The following ATXN8OS variants were observed in gnomAD, a reference collection of about 807,000 sequenced individuals.
ATXN8OS encodes ATXN8 opposite strand (non-protein coding).
At chr13:70,145,613 A>G (rs1411894633) in intron 3 of ATXN8OS, among the ~76,000 whole-genome samples, 1 of 152,090 alleles carries the variant, frequency 6.6e-6, no homozygotes, top group Non-Finnish European at 1.5e-5. Context: ...CTTTGAAGCA[A>G]TTGTGAATGG....
rs548789507 is a variant in ATXN8OS, at chr13:70,153,686, T to A, written n.573+6258T>A. Among the ~76,000 whole-genome samples, 28 of 152,316 alleles carry A rather than the reference T, an allele frequency of 1.8e-4. 1 individual carries two copies. The highest frequency in any genetic ancestry group is 3.4e-3 in the Middle Eastern group (1 of 292). On this transcript the variant is annotated intron_variant and non_coding_transcript_variant, in intron 4 of 4. Coordinates refer to ENST00000678624, the Ensembl canonical transcript of ATXN8OS. ...TTATTGTTGTTGGTTTTCTTTTTTG[T>A]TTGTTTTTCTTCACACAGGGTCTTG...
chr13:70,131,108 T>C, intron 3 of ATXN8OS: 1 of 398,476 alleles, frequency 2.5e-6, no homozygotes. Flanking sequence ...CTCTTCCCAA[T>C]ACATGTGTAA....
At chr13:70,165,115 T>C (rs890183020) in intron 4 of ATXN8OS, among the ~76,000 whole-genome samples, 2 of 151,830 alleles carry the variant, frequency 1.3e-5, no homozygotes, top group Non-Finnish European at 2.9e-5. Flanking sequence ...TACACAAAAC[T>C]AGTAAGATCA....
chr13:70,110,698 A>G (rs151054680), intron 1 of ATXN8OS, among the ~76,000 whole-genome samples: 1 of 152,170 alleles, frequency 6.6e-6, no homozygotes, highest in East Asian at 1.9e-4. Flanking sequence ...TTTGTAAAAT[A>G]CTGCACTAAT....
intron 4 of ATXN8OS, among the ~76,000 whole-genome samples, chr13:70,168,434 T>C (rs1460712645): frequency 1.3e-5 from 2 of 152,138 alleles, no homozygotes; most frequent in East Asian, 1.9e-4. Flanking sequence ...ATAGTTATCC[T>C]ACTCTGCTAT....
chr13:70,155,100 C>A (rs967832532), intron 4 of ATXN8OS, among the ~76,000 whole-genome samples: 1 of 152,196 alleles, frequency 6.6e-6, no homozygotes, highest in Non-Finnish European at 1.5e-5. Context: ...TGAGTGCATT[C>A]AATAAAGATT....
chr13:70,127,669 T>G (rs924335728), intron 2 of ATXN8OS, among the ~76,000 whole-genome samples: 214 of 35,094 alleles, frequency 6.1e-3, no homozygotes, highest in African/African-American at 0.017. Context: ...AAAACAAACA[T>G]TTTTTTTTTT....
intron 1 of ATXN8OS, chr13:70,108,159 G>T (rs1888123911): frequency 2.5e-6 from 1 of 400,738 alleles, no homozygotes; most frequent in East Asian, 3.6e-5. Context: ...TGGCGTTCTT[G>T]TCCTTGCAGC....
chr13:70,157,937 G>A (rs1385214048), intron 4 of ATXN8OS, among the ~76,000 whole-genome samples: 2 of 152,098 alleles, frequency 1.3e-5, no homozygotes, highest in African/African-American at 4.8e-5. Flanking sequence ...AGTACATGCA[G>A]GAAATAAGCT....
chr13:70,150,731 C>T (rs1416384679), intron 4 of ATXN8OS, among the ~76,000 whole-genome samples: 20 of 152,088 alleles, frequency 1.3e-4, no homozygotes, highest in Non-Finnish European at 2.9e-5. Flanking sequence ...TCTTTGAGCT[C>T]ACACATTGAT....
intron 2 of ATXN8OS, among the ~76,000 whole-genome samples, chr13:70,124,317 A>G (rs945136380): frequency 6.6e-6 from 1 of 151,254 alleles, no homozygotes; most frequent in Non-Finnish European, 1.5e-5. Flanking sequence ...AAAGATACAC[A>G]AGCAAATATA....
chr13:70,108,359 G>A (rs1427617739), intron 1 of ATXN8OS: 3 of 231,982 alleles, frequency 1.3e-5, no homozygotes, highest in Non-Finnish European at 2.5e-5. Flanking sequence ...GTTTTATATA[G>A]TCAGTTTGTA....
At chr13:70,115,027 C>CGTGTGTGT (rs36110832) in intron 1 of ATXN8OS, 27 of 370,350 alleles carry the variant, frequency 7.3e-5, no homozygotes, top group African/African-American at 4.9e-4. Context: ...CTCTTTCTAA[C>CGTGTGTGT]GTGTGTGTGT....
At chr13:70,110,270 G>C (rs1423095171) in intron 1 of ATXN8OS, among the ~76,000 whole-genome samples, 5 of 151,816 alleles carry the variant, frequency 3.3e-5, no homozygotes, top group Non-Finnish European at 7.4e-5. Flanking sequence ...TGTAAATATA[G>C]GTACCTTTCT....
At chr13:70,108,119 C>T in intron 1 of ATXN8OS, 1 of 407,270 alleles carries the variant, frequency 2.5e-6, no homozygotes, top group Non-Finnish European at 4.3e-6. Flanking sequence ...CTGGGATGCG[C>T]TTGTGGCAGA....
chr13:70,164,290 T>A (rs1321900848), intron 4 of ATXN8OS, among the ~76,000 whole-genome samples: 1 of 151,640 alleles, frequency 6.6e-6, no homozygotes, highest in Non-Finnish European at 1.5e-5. Flanking sequence ...AAAGTAATCC[T>A]CTCTTTCACT....
chr13:70,161,932 GGTAAT>G lies in ATXN8OS; in HGVS notation n.574-7820_574-7816del, dbSNP rs368711180. 9.9e-4 allele frequency among the ~76,000 whole-genome samples: 151 copies of G among 151,932 alleles called. 2 individuals are homozygous for G. The East Asian group carries it at 0.026, about 26-fold the overall frequency. ...GGAGAACTAGGGGGATGGAAGACAA[GGTAAT>G]ACAGAAATTCTATACATTCAACTTA... On this transcript the variant is annotated intron_variant and non_coding_transcript_variant, in intron 4 of 4. Transcript: ENST00000678624.
chr13:70,159,945 G>A lies in ATXN8OS; in HGVS notation n.574-9808G>A, dbSNP rs114543453. ...CATTCATCGATTGATGTGCATTTGG[G>A]TTGTTTCTAATTTTAGTCAATTATA... On this transcript the variant is annotated intron_variant and non_coding_transcript_variant, in intron 4 of 4. Transcript: ENST00000678624. Among the ~76,000 whole-genome samples, 1,232 of 152,256 alleles carry A rather than the reference G, an allele frequency of 8.1e-3. 15 individuals carry two copies. The highest frequency in any genetic ancestry group is 0.027 in the African/African-American group (1,111 of 41,560).
At chr13:70,171,422 C>T (rs1262594281) in exon 5 of ATXN8OS, among the ~76,000 whole-genome samples, 1 of 152,114 alleles carries the variant, frequency 6.6e-6, no homozygotes, top group East Asian at 1.9e-4. Context: ...GGGTGAGTCA[C>T]TGAGTGAATG....
Sources: allele counts gnomAD v4.1 joint callset (sites outside exome capture counted in the v4.1 genomes callset), GRCh38; gene constraint gnomAD v4.1.1; transcripts MANE v1.5; gene names NCBI Gene and HGNC (gene_info 2026-07-23, HGNC 2026-07-21).